Variants in TSPAN5 observed in about 807,000 individuals in gnomAD.
TSPAN5 encodes the protein tetraspanin-5.
Under a neutral mutation model 37.1 loss-of-function variants are expected in TSPAN5, and 10 were observed. The observed-to-expected ratio is 0.27, with a 90% confidence interval of 0.17 to 0.46. The LOEUF is 0.46. TSPAN5 is among the 20% of genes least tolerant of loss of function. The probability of loss-of-function intolerance (pLI) is 1.00; values close to 1 mark genes in which losing one functional copy is unlikely to be tolerated. For missense variants in TSPAN5, 195 were observed against 326.6 expected (o/e 0.60, Z 3.11); for synonymous variants, 110 against 118.9 (o/e 0.93, Z 0.48).
At position 98,495,509 on chromosome 4, in the gene TSPAN5, GAGAC is replaced by G. The variant is rs1261484785; in HGVS notation, c.133-8629_133-8626del. Among the ~76,000 whole-genome samples the G allele has an allele frequency of 5.0e-5, 7 of 139,476 alleles. No homozygotes were observed. In the East Asian group the frequency reaches 1.2e-3, roughly 25 times the overall value. 91.5% of individuals were successfully genotyped at this position (139,476 alleles called of 152,430 possible). On this transcript the variant is annotated intron_variant, in intron 2 of 7. Coordinates refer to ENST00000305798, the MANE Select transcript of TSPAN5 (RefSeq NM_005723.4). Reference sequence around the variant, plus strand: ...ACTGCGAAACTGCACTACAGCCCGGGAGACAGAGAGAGCCTCCGTCTCAAAAAAA... The same window carrying G: ...ACTGCGAAACTGCACTACAGCCCGGGAGAGAGAGCCTCCGTCTCAAAAAAA...
chr4:98,634,796 G>A (rs1407124485), intron 1 of TSPAN5, among the ~76,000 whole-genome samples: 5 of 149,192 alleles, frequency 3.4e-5, no homozygotes, highest in Admixed American at 2.7e-4. Flanking sequence ...ACAGAGTGGG[G>A]AGAATGAGGA....
At chr4:98,592,428 G>GT (rs35941064) in intron 1 of TSPAN5, among the ~76,000 whole-genome samples, 1,983 of 119,044 alleles carry the variant, frequency 0.017, 20 homozygotes, top group Non-Finnish European at 0.019. Flanking sequence ...TCTGTTTTTT[G>GT]TTTTTTTTTT....
chr4:98,491,207 A>G (rs1753078740), intron 2 of TSPAN5, among the ~76,000 whole-genome samples: 1 of 152,146 alleles, frequency 6.6e-6, no homozygotes, highest in Admixed American at 6.5e-5. Context: ...CTTTACATCC[A>G]CTCGGCATTT....
chr4:98,526,385 A>G (rs1753964126), intron 1 of TSPAN5, among the ~76,000 whole-genome samples: 1 of 152,190 alleles, frequency 6.6e-6, no homozygotes, highest in Non-Finnish European at 1.5e-5. Context: ...GTAAACACAC[A>G]AACTCTAATT....
At chr4:98,580,400 T>C (rs1755342319) in intron 1 of TSPAN5, among the ~76,000 whole-genome samples, 1 of 152,180 alleles carries the variant, frequency 6.6e-6, no homozygotes, top group East Asian at 1.9e-4. Context: ...TTTTTACTCT[T>C]ATACACACTG....
chr4:98,618,933 T>TA (rs1485087465), intron 1 of TSPAN5, among the ~76,000 whole-genome samples: 1 of 152,190 alleles, frequency 6.6e-6, no homozygotes, highest in Non-Finnish European at 1.5e-5. Context: ...GGCAAGGCTT[T>TA]ACGTGCCTCT....
At chr4:98,609,817 AG>A (rs1425584058) in intron 1 of TSPAN5, among the ~76,000 whole-genome samples, 1 of 152,166 alleles carries the variant, frequency 6.6e-6, no homozygotes, top group Non-Finnish European at 1.5e-5. Context: ...GGGAGAGACC[AG>A]GGGAGACAGG....
At chr4:98,498,073 C>G (rs914184941) in intron 2 of TSPAN5, among the ~76,000 whole-genome samples, 2 of 152,190 alleles carry the variant, frequency 1.3e-5, no homozygotes, top group Non-Finnish European at 2.9e-5. Context: ...CGGGTGAGAT[C>G]TGCTGAAGGC....
chr4:98,481,884 C>A, intron 4 of TSPAN5, 121 bp downstream of exon 4: 1 of 887,288 alleles, frequency 1.1e-6, no homozygotes, highest in South Asian at 1.6e-5. Context: ...AACAAACAAA[C>A]ACCCATGCAG....
rs77193426 is a variant in TSPAN5 at position 98,502,263 on chromosome 4, A to G, written c.132+5415T>C. 5.4e-3 allele frequency among the ~76,000 whole-genome samples: 823 copies of G among 152,298 alleles called. 17 individuals are homozygous for G. Among genetic ancestry groups the G allele is most frequent in the African/African-American group, 0.019 (791 of 41,564 alleles). On this transcript the variant is annotated intron_variant, in intron 2 of 7. Transcript: ENST00000305798. ...AGTCTAGAATTCAGATGAGGTTGGA[A>G]GCAAAAATATTCATTTGGAAGTCAT...
At chr4:98,549,397 G>C (rs1200286932) in intron 1 of TSPAN5, among the ~76,000 whole-genome samples, 1 of 151,694 alleles carries the variant, frequency 6.6e-6, no homozygotes, top group African/African-American at 2.4e-5. Flanking sequence ...CTGCCTCTCG[G>C]GTTTAAGCAA....
chr4:98,515,267 C>G (rs1416652344), intron 1 of TSPAN5, among the ~76,000 whole-genome samples: 1 of 152,086 alleles, frequency 6.6e-6, no homozygotes, highest in Non-Finnish European at 1.5e-5. Context: ...GGTGTCCTTA[C>G]CTGTCACATG....
intron 1 of TSPAN5, among the ~76,000 whole-genome samples, chr4:98,531,133 C>A (rs966139563): frequency 1.3e-5 from 2 of 152,142 alleles, no homozygotes; most frequent in Non-Finnish European, 2.9e-5. Context: ...AGTTTCATTA[C>A]ATAGGTATAC....
chr4:98,630,333 C>A (rs1204701917), intron 1 of TSPAN5, among the ~76,000 whole-genome samples: 1 of 152,210 alleles, frequency 6.6e-6, no homozygotes, highest in Non-Finnish European at 1.5e-5. Context: ...CAAATCCCTA[C>A]CCGCCTCCAA....
At chr4:98,566,203 A>G (rs987124020) in intron 1 of TSPAN5, among the ~76,000 whole-genome samples, 14 of 152,166 alleles carry the variant, frequency 9.2e-5, no homozygotes, top group Admixed American at 7.9e-4. Flanking sequence ...TTCTAGGGTC[A>G]GGAGGAGCAA....
At chr4:98,479,600 T>C (rs951098330) in intron 4 of TSPAN5, among the ~76,000 whole-genome samples, 1 of 152,200 alleles carries the variant, frequency 6.6e-6, no homozygotes, top group Admixed American at 6.5e-5. Context: ...TCCATATGTA[T>C]AAGACAGGGC....
At chr4:98,625,417 T>C (rs1256089173) in intron 1 of TSPAN5, among the ~76,000 whole-genome samples, 1 of 152,212 alleles carries the variant, frequency 6.6e-6, no homozygotes, top group African/African-American at 2.4e-5. Flanking sequence ...CCCATGAAAC[T>C]GACCAAGATT....
At position 98,478,685 on chromosome 4, in the gene TSPAN5, T is replaced by C. The variant is rs535219445; in HGVS notation, c.576A>G (p.Ala192=). 2.5e-6 allele frequency: 4 copies of C among 1,614,196 alleles called. No homozygotes were observed. In the South Asian group the frequency reaches 3.3e-5, roughly 13 times the overall value. The change falls in exon 5 of 8, where the codon GCA becomes GCG. Residue 192 remains alanine, a splice_region_variant and synonymous_variant. Transcript: ENST00000305798. ...VPFSCCTKDP[A]EDVINTQCGY... is the part of the protein sequence containing the mutation. Reference sequence around the variant, plus strand: ...CAATAGTTCGCTGGCATTCACTTACTGCGGGATCTTTAGTGCAGCAGGAGA... The same window carrying C: ...CAATAGTTCGCTGGCATTCACTTACCGCGGGATCTTTAGTGCAGCAGGAGA...
At chr4:98,616,828 C>G (rs1212757094) in intron 1 of TSPAN5, among the ~76,000 whole-genome samples, 3 of 151,656 alleles carry the variant, frequency 2.0e-5, no homozygotes, top group Admixed American at 2.0e-4. Flanking sequence ...ACTCCAATTT[C>G]CAAATTCTTG....
Sources: allele counts gnomAD v4.1 joint callset (sites outside exome capture counted in the v4.1 genomes callset), GRCh38; gene constraint gnomAD v4.1.1; transcripts MANE v1.5; gene names NCBI Gene and HGNC (gene_info 2026-07-23, HGNC 2026-07-21).